ATXN1: variants seen among roughly 807,000 people sequenced by gnomAD.
The protein encoded by ATXN1 is ataxin-1.
In ATXN1, 8 loss-of-function variants were observed where a neutral mutation model predicts 56.4. The observed-to-expected ratio is 0.14, with a 90% CI of 0.08 to 0.26. The LOEUF is 0.26. Ranked by LOEUF, ATXN1 falls within the 10% of genes least tolerant of loss-of-function variation. ATXN1 has a pLI of 1.00. For synonymous variants in ATXN1, 514 were observed against 494.6 expected (o/e 1.04, Z -0.52); for missense variants, 987 against 1,106.5 (o/e 0.89, Z 1.53).
intron 6 of ATXN1, among the ~76,000 whole-genome samples, chr6:16,415,240 G>A (rs544304573): frequency 6.6e-6 from 1 of 152,180 alleles, no homozygotes; most frequent in South Asian, 2.1e-4. Context: ...TTTGTTTTTG[G>A]TTTTTTTGAG....
rs1760635768 is a variant in ATXN1 at position 16,490,309 on chromosome 6, T to C, written c.-298-4200A>G. Among the ~76,000 whole-genome samples, 3 of 152,108 alleles carry C rather than the reference T, an allele frequency of 2.0e-5. No homozygotes were observed. The South Asian group carries it at 6.2e-4, about 31-fold the overall frequency. On this transcript the variant is annotated intron_variant, in intron 5 of 7. Coordinates refer to ENST00000436367, the MANE Select transcript of ATXN1 (RefSeq NM_001128164.2). ...CCCAACTTCCCTTCAGTCTTTTTCC[T>C]CTCTACTGGAAATTTCTCACACTCC... is the stretch of plus-strand genomic sequence containing the variant.
chr6:16,566,186 A>T (rs1426620398), intron 4 of ATXN1, among the ~76,000 whole-genome samples: 2 of 152,370 alleles, frequency 1.3e-5, no homozygotes, highest in East Asian at 3.9e-4. Context: ...CCAACTTGTC[A>T]TAAAACATAA....
chr6:16,747,279 A>G (rs1422163870), intron 2 of ATXN1, among the ~76,000 whole-genome samples: 1 of 152,190 alleles, frequency 6.6e-6, no homozygotes, highest in Non-Finnish European at 1.5e-5. Context: ...CTGTTCCTTC[A>G]GTAAAGCTAA....
At chr6:16,458,707 G>C (rs149949627) in intron 6 of ATXN1, among the ~76,000 whole-genome samples, 3 of 152,342 alleles carry the variant, frequency 2.0e-5, no homozygotes, top group Non-Finnish European at 4.4e-5. Context: ...CTTGTTATCA[G>C]TGTGGTTTGC....
rs542231131 is a variant in ATXN1, at chr6:16,481,851, A to G, written c.-161+4121T>C. On this transcript the variant is annotated intron_variant, in intron 6 of 7. Coordinates refer to ENST00000436367, the MANE Select transcript of ATXN1 (RefSeq NM_001128164.2). ...TAAGCAGTGATGAAATGATGTGATG[A>G]TAAGAGACAAAACCACCGCCGTTCA... is the stretch of plus-strand genomic sequence containing the variant. Among the ~76,000 whole-genome samples, 3 of 152,290 alleles carry G rather than the reference A, an allele frequency of 2.0e-5. No individual in the cohort carries two copies. The South Asian group carries it at 6.2e-4, about 32-fold the overall frequency.
chr6:16,742,058 A>G (rs1446255075), intron 2 of ATXN1, among the ~76,000 whole-genome samples: 1 of 152,238 alleles, frequency 6.6e-6, no homozygotes, highest in African/African-American at 2.4e-5. Flanking sequence ...CAAACTCAAT[A>G]GAAAGCAAAG....
chr6:16,633,212 A>T (rs1359478374), intron 3 of ATXN1, among the ~76,000 whole-genome samples: 1 of 152,232 alleles, frequency 6.6e-6, no homozygotes, highest in African/African-American at 2.4e-5. Flanking sequence ...TGTTTACTTC[A>T]TAAGATTCTC....
intron 6 of ATXN1, among the ~76,000 whole-genome samples, chr6:16,357,385 T>C (rs938165455): frequency 2.0e-5 from 3 of 152,062 alleles, no homozygotes; most frequent in African/African-American, 7.2e-5. Flanking sequence ...TTCTTCTGCC[T>C]CAGCCTCCTG....
At chr6:16,545,474 G>T (rs1255267466) in intron 4 of ATXN1, among the ~76,000 whole-genome samples, 1 of 151,858 alleles carries the variant, frequency 6.6e-6, no homozygotes, top group Non-Finnish European at 1.5e-5. Context: ...TCAGGGTCCT[G>T]GTAATCACTG....
chr6:16,336,846 T>C (rs1761134066), intron 6 of ATXN1, among the ~76,000 whole-genome samples: 1 of 152,184 alleles, frequency 6.6e-6, no homozygotes, highest in Non-Finnish European at 1.5e-5. Flanking sequence ...CCACTACTTA[T>C]ATTATCAGCA....
intron 2 of ATXN1, among the ~76,000 whole-genome samples, chr6:16,722,979 G>A (rs1759776291): frequency 6.6e-6 from 1 of 152,156 alleles, no homozygotes; most frequent in Non-Finnish European, 1.5e-5. Flanking sequence ...GAAGGTACAA[G>A]GTGTTTTTAC....
At chr6:16,542,858 G>T (rs1250869844) in intron 4 of ATXN1, among the ~76,000 whole-genome samples, 2 of 151,982 alleles carry the variant, frequency 1.3e-5, no homozygotes, top group Non-Finnish European at 2.9e-5. Flanking sequence ...TAATAAAATA[G>T]AACAATCATA....
intron 3 of ATXN1, among the ~76,000 whole-genome samples, chr6:16,586,152 G>T (rs1462779237): frequency 6.6e-6 from 1 of 151,950 alleles, no homozygotes; most frequent in Admixed American, 6.6e-5. Context: ...TTCTGGCCAG[G>T]GGTTGCTTCC....
chr6:16,651,533 G>T (rs946928647), intron 3 of ATXN1, among the ~76,000 whole-genome samples: 9 of 119,108 alleles, frequency 7.6e-5, no homozygotes, highest in Non-Finnish European at 1.5e-4. Context: ...GACAGAGAGA[G>T]ACTCTGTCTC....
intron 6 of ATXN1, among the ~76,000 whole-genome samples, chr6:16,399,504 G>C (rs1170485438): frequency 6.6e-6 from 1 of 152,204 alleles, no homozygotes; most frequent in African/African-American, 2.4e-5. Context: ...ATAGCGAAAA[G>C]AGTGTTGCGT....
intron 6 of ATXN1, among the ~76,000 whole-genome samples, chr6:16,414,141 A>G (rs1049566386): frequency 1.3e-5 from 2 of 152,222 alleles, no homozygotes; most frequent in Admixed American, 1.3e-4. Context: ...TTTCCACAGC[A>G]CAGATAATCT....
chr6:16,339,705 A>T lies in ATXN1; in HGVS notation c.-160-11235T>A, dbSNP rs71554572. On this transcript the variant is annotated intron_variant, in intron 6 of 7. Coordinates refer to ENST00000436367, the MANE Select transcript of ATXN1 (RefSeq NM_001128164.2). ...ATTACATGGCTAAAAAAGGGCAGAA[A>T]CAACACACAAAAAATCCTAATATGA... 1.2e-3 allele frequency among the ~76,000 whole-genome samples: 179 copies of T among 152,372 alleles called. 1 individual carries two copies. Among genetic ancestry groups the T allele is most frequent in the Middle Eastern group, 3.4e-3 (1 of 294 alleles).
intron 6 of ATXN1, among the ~76,000 whole-genome samples, chr6:16,475,079 C>G (rs1206477563): frequency 6.6e-6 from 1 of 152,156 alleles, no homozygotes; most frequent in Non-Finnish European, 1.5e-5. Flanking sequence ...CTCCCTACTC[C>G]TTTTATAGAT....
At chr6:16,734,094 T>TA (rs148645832) in intron 2 of ATXN1, among the ~76,000 whole-genome samples, 23 of 149,138 alleles carry the variant, frequency 1.5e-4, no homozygotes, top group South Asian at 8.5e-4. Flanking sequence ...AGACCCCATA[T>TA]AAAAAAAAAA....
Sources: allele counts gnomAD v4.1 joint callset (sites outside exome capture counted in the v4.1 genomes callset), GRCh38; gene constraint gnomAD v4.1.1; transcripts MANE v1.5; gene names NCBI Gene and HGNC (gene_info 2026-07-23, HGNC 2026-07-21).